Variants in RFX7 observed in about 807,000 individuals in gnomAD.
RFX7 encodes the protein DNA-binding protein RFX7.
Under a neutral mutation model 111.8 loss-of-function variants are expected in RFX7, and 26 were observed. That is an observed-to-expected ratio of 0.23 (90% CI 0.17 to 0.32). The LOEUF is 0.32. RFX7 is among the 10% of genes least tolerant of loss of function. The probability of loss-of-function intolerance (pLI) is 1.00; values close to 1 mark genes in which losing one functional copy is unlikely to be tolerated. For missense variants in RFX7, 1,573 were observed against 1,772.9 expected (o/e 0.89, Z 2.02); for synonymous variants, 624 against 624.4 (o/e 1.00, Z 0.01).
chr15:56,154,844 C>T (rs2042629076), intron 3 of RFX7, among the ~76,000 whole-genome samples: 1 of 152,028 alleles, frequency 6.6e-6, no homozygotes, highest in Admixed American at 6.6e-5. Flanking sequence ...AGTGAACAGG[C>T]AACCTACAGA....
chr15:56,170,809 T>C (rs2042837495), intron 3 of RFX7, among the ~76,000 whole-genome samples: 1 of 152,168 alleles, frequency 6.6e-6, no homozygotes, highest in Non-Finnish European at 1.5e-5. Flanking sequence ...GAAAGTTCCA[T>C]GGATAATGCT....
intron 5 of RFX7, among the ~76,000 whole-genome samples, chr15:56,134,745 A>T (rs1464186247): frequency 3.3e-5 from 5 of 151,732 alleles, no homozygotes; most frequent in Non-Finnish European, 7.4e-5. Context: ...CATTAGGTAT[A>T]TCTCCCAATG....
chr15:56,117,697 A>G (rs1221513173), intron 5 of RFX7, among the ~76,000 whole-genome samples: 2 of 152,210 alleles, frequency 1.3e-5, no homozygotes, highest in East Asian at 1.9e-4. Flanking sequence ...ACTTTTATCA[A>G]CTTCCACATA....
chr15:56,134,618 CTTTTT>C (rs55844559), intron 5 of RFX7, among the ~76,000 whole-genome samples: 1 of 126,322 alleles, frequency 7.9e-6, no homozygotes, highest in South Asian at 2.5e-4. Flanking sequence ...TTTTTACTTT[CTTTTT>C]TTTTTTTTAT....
At position 56,095,800 on chromosome 15, in the gene RFX7, T is replaced by A. The variant is rs746874626; in HGVS notation, c.1928A>T (p.Asp643Val). 2 of 1,612,680 alleles carry A rather than the reference T, an allele frequency of 1.2e-6. No homozygotes were observed. Among genetic ancestry groups the A allele is most frequent in the South Asian group, 2.2e-5 (2 of 91,080 alleles). ...FTSSSSPPNG[D>V]SINKDPKLCT... ...TAATTTAGGGTCTTTATTGATTGAG[T>A]CACCATTAGGTGGTGAGCTGCTGCT... Residue 643 changes from aspartate (D) to valine (V), a missense_variant, in exon 10 of 10, where the codon GAC becomes GTC. Around this residue, in one of 7 missense-constraint regions of RFX7, gnomAD observed 625 missense variants for 632.2 expected, o/e 0.99. Transcript: ENST00000559447.
At chr15:56,110,317 T>TGG (rs1213897198) in intron 5 of RFX7, among the ~76,000 whole-genome samples, 96 of 9,044 alleles carry the variant, frequency 0.011, 6 homozygotes, top group African/African-American at 0.033. Flanking sequence ...GGGAGGGAGG[T>TGG]GGGGGGGGGG....
intron 5 of RFX7, among the ~76,000 whole-genome samples, chr15:56,107,296 CAAA>C (rs56077181): frequency 0.042 from 1,344 of 31,882 alleles, 6 homozygotes; most frequent in African/African-American, 0.14. Context: ...GACTCCGTCT[CAAA>C]AAAAAAAAAA....
intron 2 of RFX7, among the ~76,000 whole-genome samples, chr15:56,186,578 CT>C (rs1383313501): frequency 2.6e-5 from 4 of 151,876 alleles, no homozygotes; most frequent in African/African-American, 7.2e-5. Context: ...GTCTAGGAGT[CT>C]TTTATTATAT....
intron 3 of RFX7, among the ~76,000 whole-genome samples, chr15:56,155,088 G>A (rs950983846): frequency 2.1e-4 from 32 of 152,204 alleles, no homozygotes; most frequent in Middle Eastern, 6.8e-3. Context: ...ACCATCTCAC[G>A]GCAGTTAGAA....
At chr15:56,137,826 C>A (rs1444109522) in intron 5 of RFX7, among the ~76,000 whole-genome samples, 1 of 151,910 alleles carries the variant, frequency 6.6e-6, no homozygotes, top group Non-Finnish European at 1.5e-5. Flanking sequence ...CTTTGTTCTC[C>A]TTGGTTTCAA....
At chr15:56,174,510 A>T (rs369947627) in intron 3 of RFX7, among the ~76,000 whole-genome samples, 1 of 152,086 alleles carries the variant, frequency 6.6e-6, no homozygotes, top group Non-Finnish European at 1.5e-5. Context: ...GCACTTTGGG[A>T]GGCGAAGGTA....
At chr15:56,142,694 C>T in intron 5 of RFX7, 84 bp downstream of exon 5, 2 of 1,241,246 alleles carry the variant, frequency 1.6e-6, no homozygotes, top group Non-Finnish European at 1.1e-6. Context: ...TGATATTCAC[C>T]AATAATAAAA....
intron 3 of RFX7, among the ~76,000 whole-genome samples, chr15:56,173,091 G>A (rs1248506180): frequency 6.6e-6 from 1 of 152,184 alleles, no homozygotes; most frequent in South Asian, 2.1e-4. Context: ...GTACTGCAGA[G>A]CTAAAGAGAA....
At chr15:56,244,820 C>A (rs972937951), upstream of RFX7, among the ~76,000 whole-genome samples, 2 of 147,698 alleles carry the variant, frequency 1.4e-5, no homozygotes, top group South Asian at 2.3e-4. Context: ...CCGCACCATT[C>A]CCCCCCTTCC....
rs1294148790 is a variant in RFX7, at chr15:56,096,440, G to T, written c.1288C>A (p.Pro430Thr). The T allele has an allele frequency of 3.7e-6, 6 of 1,613,404 alleles. No homozygotes were observed. Among genetic ancestry groups the T allele is most frequent in the Non-Finnish European group, 5.1e-6 (6 of 1,179,724 alleles). ...GGDRSARHRY[P>T]QILPKPANTS... ...TTCGCTGGTTTGGGTAAGATCTGAGGGTAACGGTGCCGGGCAGAACGATCC... is the reference window on the plus strand; with the variant it reads ...TTCGCTGGTTTGGGTAAGATCTGAGTGTAACGGTGCCGGGCAGAACGATCC... Residue 430 changes from proline to threonine, a missense_variant, in exon 10 of 10, where the codon CCT becomes ACT. Pro to Thr is a conservative substitution (Grantham distance 38). Coordinates refer to ENST00000559447, the MANE Select transcript of RFX7 (RefSeq NM_022841.7).
At chr15:56,226,050 A>G (rs568787580) in intron 2 of RFX7, among the ~76,000 whole-genome samples, 4 of 152,112 alleles carry the variant, frequency 2.6e-5, no homozygotes, top group Non-Finnish European at 5.9e-5. Flanking sequence ...ACAAGAAAAC[A>G]AAAAGGGGAT....
At chr15:56,207,788 CGAAAAAAACT>C (rs1448867669) in intron 2 of RFX7, among the ~76,000 whole-genome samples, 1 of 151,808 alleles carries the variant, frequency 6.6e-6, no homozygotes, top group African/African-American at 2.4e-5. Context: ...GATAAAAAGC[CGAAAAAAACT>C]GAAAAATCAA....
At chr15:56,181,962 T>C (rs1404511061) in intron 2 of RFX7, among the ~76,000 whole-genome samples, 2 of 152,010 alleles carry the variant, frequency 1.3e-5, no homozygotes, top group Non-Finnish European at 2.9e-5. Context: ...GTGAACCCTA[T>C]TGTGAACTGT....
At chr15:56,119,480 G>GA (rs1410182909) in intron 5 of RFX7, among the ~76,000 whole-genome samples, 2 of 151,980 alleles carry the variant, frequency 1.3e-5, no homozygotes, top group Non-Finnish European at 2.9e-5. Context: ...CATCTTTGTT[G>GA]AAAATGAGTT....
Sources: allele counts gnomAD v4.1 joint callset (sites outside exome capture counted in the v4.1 genomes callset), GRCh38; gene constraint gnomAD v4.1.1; regional missense constraint gnomAD v4.1.1; transcripts MANE v1.5; gene names NCBI Gene and HGNC (gene_info 2026-07-23, HGNC 2026-07-21).